OR14I1: variants seen among roughly 807,000 people sequenced by gnomAD.
The protein encoded by OR14I1 is olfactory receptor family 14 subfamily I member 1, also known as olfactory receptor 14I1.
For missense variants in OR14I1, 279 were observed against 181.8 expected, an observed-to-expected ratio of 1.53 and a Z score of -3.07; for synonymous variants, 118 against 71.1, an observed-to-expected ratio of 1.66 and a Z score of -3.32.
the OR14I1 span, among the ~76,000 whole-genome samples, chr1:248,701,503 A>T: frequency 2.0e-5 from 3 of 152,196 alleles, no homozygotes; most frequent in Admixed American, 2.0e-4. Flanking sequence ...CAACATTGTT[A>T]TGTAAAGTGG....
At chr1:248,680,967 C>CGCGT (rs1553277282), downstream of OR14I1, among the ~76,000 whole-genome samples, 6 of 147,108 alleles carry the variant, frequency 4.1e-5, no homozygotes, top group Non-Finnish European at 8.9e-5. Context: ...AAACTGTGTG[C>CGCGT]GTGTGTGTGT....
At chr1:248,688,224 A>G in the OR14I1 span, among the ~76,000 whole-genome samples, 2 of 152,238 alleles carry the variant, frequency 1.3e-5, no homozygotes, top group African/African-American at 2.4e-5. Context: ...ACCAAGAAAG[A>G]AAGATGTAAA....
the OR14I1 span, among the ~76,000 whole-genome samples, chr1:248,694,684 C>G: frequency 6.6e-6 from 1 of 152,292 alleles, no homozygotes; most frequent in East Asian, 1.9e-4. Context: ...CACTTCTGAT[C>G]ACTTCTTATC....
the OR14I1 span, among the ~76,000 whole-genome samples, chr1:248,700,314 AG>A: frequency 6.6e-6 from 1 of 152,238 alleles, no homozygotes; most frequent in African/African-American, 2.4e-5. Context: ...CTCCAATTAA[AG>A]CCAACCAACT....
the OR14I1 span, among the ~76,000 whole-genome samples, chr1:248,697,674 T>C: frequency 6.6e-6 from 1 of 151,994 alleles, no homozygotes; most frequent in Non-Finnish European, 1.5e-5. Context: ...TCCCAGCTAC[T>C]CGGGAGACTG....
the OR14I1 span, among the ~76,000 whole-genome samples, chr1:248,693,807 G>T: frequency 2.0e-5 from 3 of 150,094 alleles, no homozygotes; most frequent in Non-Finnish European, 4.4e-5. Context: ...TGGGAAAATC[G>T]TCGTTCCTCT....
chr1:248,690,786 A>T, the OR14I1 span, among the ~76,000 whole-genome samples: 1 of 151,994 alleles, frequency 6.6e-6, no homozygotes, highest in East Asian at 1.9e-4. Context: ...CAAAAAAAAA[A>T]AAAGAAAGAA....
the OR14I1 span, among the ~76,000 whole-genome samples, chr1:248,694,880 G>T: frequency 2.6e-5 from 4 of 152,212 alleles, no homozygotes; most frequent in Non-Finnish European, 5.9e-5. Context: ...ATTACCTTCT[G>T]CAGTGATCAA....
chr1:248,697,349 A>C, the OR14I1 span: 1 of 152,114 alleles, frequency 6.6e-6, no homozygotes, highest in Admixed American at 6.5e-5. Context: ...AAATATGTCC[A>C]ACTGGCTTTC....
downstream of OR14I1, among the ~76,000 whole-genome samples, chr1:248,680,370 T>C (rs1400070998): frequency 6.6e-6 from 1 of 152,172 alleles, no homozygotes; most frequent in Non-Finnish European, 1.5e-5. Flanking sequence ...AATGGAGAGG[T>C]CAGCCTCACA....
At chr1:248,693,237 G>A in the OR14I1 span, among the ~76,000 whole-genome samples, 1 of 151,946 alleles carries the variant, frequency 6.6e-6, no homozygotes, top group Non-Finnish European at 1.5e-5. Flanking sequence ...AGCACTGACT[G>A]TTCCTGCTCC....
the OR14I1 span, among the ~76,000 whole-genome samples, chr1:248,695,526 C>T: frequency 1.3e-5 from 2 of 152,166 alleles, no homozygotes; most frequent in African/African-American, 4.8e-5. Flanking sequence ...AGCCACTGCG[C>T]CCGGCCGAAT....
At chr1:248,697,478 A>T in the OR14I1 span, among the ~76,000 whole-genome samples, 4 of 66,634 alleles carry the variant, frequency 6.0e-5, no homozygotes, top group African/African-American at 5.4e-4. Context: ...GGTTAGGTTT[A>T]AAAAAAAAAA....
the OR14I1 span, among the ~76,000 whole-genome samples, chr1:248,695,493 A>G: frequency 6.6e-6 from 1 of 152,122 alleles, no homozygotes; most frequent in Non-Finnish European, 1.5e-5. Flanking sequence ...TCTGCCTCCC[A>G]AAGTGCTGGT....
the OR14I1 span, among the ~76,000 whole-genome samples, chr1:248,700,132 A>C: frequency 6.6e-6 from 1 of 152,214 alleles, no homozygotes; most frequent in Non-Finnish European, 1.5e-5. Context: ...CCCCTGCCAG[A>C]AATTCAGATT....
the OR14I1 span, among the ~76,000 whole-genome samples, chr1:248,700,015 C>T: frequency 3.3e-5 from 5 of 152,184 alleles, no homozygotes; most frequent in Non-Finnish European, 5.9e-5. Context: ...CTGCCTTGGC[C>T]TCCCAAAGTG....
At chr1:248,680,060 A>G (rs1447708050), downstream of OR14I1, among the ~76,000 whole-genome samples, 1 of 152,192 alleles carries the variant, frequency 6.6e-6, no homozygotes, top group Non-Finnish European at 1.5e-5. Context: ...TTGCAAATAG[A>G]TAGGTCTAAG....
upstream of OR14I1, among the ~76,000 whole-genome samples, chr1:248,683,876 A>G (rs146326909): frequency 3.4e-3 from 525 of 152,288 alleles, 3 homozygotes; most frequent in African/African-American, 0.012. Context: ...TCTACTGAAA[A>G]TACAAAATAG....
chr1:248,697,436 T>C, the OR14I1 span, among the ~76,000 whole-genome samples: 4 of 148,360 alleles, frequency 2.7e-5, no homozygotes, highest in South Asian at 8.5e-4. Context: ...TGGTTCAGCA[T>C]ATTGGAGGAA....
Sources: gnomAD v4.1 joint callset for allele counts (sites outside exome capture counted in the v4.1 genomes callset) on GRCh38, gnomAD v4.1.1 for gene constraint, MANE v1.5 for transcripts, NCBI Gene and HGNC (gene_info 2026-07-23, HGNC 2026-07-21) for gene names.